Variants in UBE3D observed in about 807,000 individuals in gnomAD.
UBE3D encodes the protein E3 ubiquitin-protein ligase E3D.
Under a neutral mutation model 49.6 loss-of-function variants are expected in UBE3D, and 48 were observed. The ratio of observed to expected loss-of-function variants is 0.97; its 90% CI spans 0.77 to 1.23. The LOEUF (loss-of-function observed/expected upper bound fraction) is 1.23, where lower values mean the gene tolerates loss of function less well. Among genes scored for constraint, UBE3D ranks in the 50% most tolerant of loss-of-function variants. UBE3D has a pLI of 0.00. For missense variants in UBE3D, 452 were observed against 468.4 expected (o/e 0.96, Z 0.32); for synonymous variants, 189 against 174.2 (o/e 1.08, Z -0.67).
At chr6:83,002,802 C>T (rs1342299408) in intron 8 of UBE3D, among the ~76,000 whole-genome samples, 2 of 152,212 alleles carry the variant, frequency 1.3e-5, no homozygotes, top group African/African-American at 2.4e-5. Flanking sequence ...GGGGCCCTCA[C>T]CAAACATCAG....
chr6:83,036,892 C>T (rs1490334740), intron 5 of UBE3D: 1 of 152,078 alleles, frequency 6.6e-6, no homozygotes, highest in African/African-American at 2.4e-5. Flanking sequence ...CACCACTGTG[C>T]TCAGTTTAAC....
the UBE3D span, among the ~76,000 whole-genome samples, chr6:82,884,905 T>C: frequency 2.0e-5 from 3 of 152,222 alleles, no homozygotes; most frequent in Admixed American, 2.0e-4. Flanking sequence ...AATTGAACTT[T>C]AGTCCAGAGG....
intron 9 of UBE3D, among the ~76,000 whole-genome samples, chr6:82,921,763 G>C (rs752433187): frequency 6.6e-6 from 1 of 152,144 alleles, no homozygotes; most frequent in African/African-American, 2.4e-5. Flanking sequence ...TCCAGGCCTT[G>C]AAGAACCCTC....
chr6:82,930,152 T>C (rs1774041566), intron 9 of UBE3D, among the ~76,000 whole-genome samples: 1 of 152,244 alleles, frequency 6.6e-6, no homozygotes, highest in African/African-American at 2.4e-5. Flanking sequence ...TCTCCCACCC[T>C]TTACTCTAAT....
At chr6:83,017,982 CAA>C (rs1371916540) in intron 8 of UBE3D, 1 of 151,842 alleles carries the variant, frequency 6.6e-6, no homozygotes, top group Non-Finnish European at 1.5e-5. Flanking sequence ...TGTTTAGGTG[CAA>C]AATGAACAGA....
intron 5 of UBE3D, among the ~76,000 whole-genome samples, chr6:83,025,150 C>CA (rs1239156748): frequency 6.6e-6 from 1 of 152,182 alleles, no homozygotes; most frequent in East Asian, 1.9e-4. Context: ...ACACTAACCA[C>CA]ACCTACCTTG....
At chr6:83,055,737 T>C (rs1783775935) in intron 2 of UBE3D, among the ~76,000 whole-genome samples, 1 of 152,208 alleles carries the variant, frequency 6.6e-6, no homozygotes, top group Non-Finnish European at 1.5e-5. Context: ...TATACCAGTA[T>C]GATGTTTACT....
At chr6:82,935,451 T>C (rs1000336926) in intron 9 of UBE3D, among the ~76,000 whole-genome samples, 1 of 151,952 alleles carries the variant, frequency 6.6e-6, no homozygotes. Flanking sequence ...ACATCACCAA[T>C]ATATGTCTAA....
chr6:83,050,945 CAGAG>C (rs1783430012), intron 3 of UBE3D, among the ~76,000 whole-genome samples: 1 of 152,150 alleles, frequency 6.6e-6, no homozygotes. Context: ...CACTGTTTCT[CAGAG>C]AGAAAAAGAG....
intron 8 of UBE3D, among the ~76,000 whole-genome samples, chr6:82,975,952 T>G (rs531451720): frequency 6.6e-6 from 1 of 152,178 alleles, no homozygotes; most frequent in South Asian, 2.1e-4. Flanking sequence ...TCTGAGTAGG[T>G]ATAATATCTA....
intron 5 of UBE3D, among the ~76,000 whole-genome samples, chr6:83,033,159 T>TGA (rs1359755178): frequency 2.0e-5 from 3 of 151,728 alleles, no homozygotes; most frequent in Non-Finnish European, 2.9e-5. Context: ...AAAGCAGGGA[T>TGA]GAGAGAGAGA....
chr6:82,899,137 C>T (rs1244017956), intron 9 of UBE3D, among the ~76,000 whole-genome samples: 1 of 152,080 alleles, frequency 6.6e-6, no homozygotes, highest in Non-Finnish European at 1.5e-5. Flanking sequence ...GCCATAAACC[C>T]CGGCATGCCA....
At chr6:83,043,440 G>A (rs1422693796) in intron 4 of UBE3D, among the ~76,000 whole-genome samples, 1 of 152,020 alleles carries the variant, frequency 6.6e-6, no homozygotes, top group Admixed American at 6.6e-5. Context: ...TTTCACCAAA[G>A]TGAACCATAT....
intron 8 of UBE3D, among the ~76,000 whole-genome samples, chr6:83,014,772 C>T (rs1780575618): frequency 6.6e-6 from 1 of 152,098 alleles, no homozygotes; most frequent in Non-Finnish European, 1.5e-5. Context: ...AGGGGTCCTT[C>T]CTCAAGGGGA....
intron 9 of UBE3D, among the ~76,000 whole-genome samples, chr6:82,913,286 T>C (rs1015748192): frequency 4.6e-5 from 7 of 152,200 alleles, no homozygotes; most frequent in African/African-American, 1.7e-4. Flanking sequence ...GTCCAATAAA[T>C]TATAATTTTA....
chr6:83,053,068 A>C (rs753392642), intron 3 of UBE3D, among the ~76,000 whole-genome samples: 2 of 152,396 alleles, frequency 1.3e-5, no homozygotes, highest in Non-Finnish European at 2.9e-5. Flanking sequence ...ATATGGCCCA[A>C]AGGCTTTGAA....
chr6:83,000,521 A>G (rs945746896), intron 8 of UBE3D, among the ~76,000 whole-genome samples: 23 of 152,302 alleles, frequency 1.5e-4, no homozygotes, highest in African/African-American at 5.5e-4. Flanking sequence ...TTCCTATCTG[A>G]TCTACCCAAA....
At chr6:83,010,176 TG>T (rs1427784903) in intron 8 of UBE3D, among the ~76,000 whole-genome samples, 1 of 152,152 alleles carries the variant, frequency 6.6e-6, no homozygotes, top group Non-Finnish European at 1.5e-5. Flanking sequence ...TAAATTTAAA[TG>T]TGTATTAAAA....
intron 3 of UBE3D, among the ~76,000 whole-genome samples, chr6:83,049,997 G>GA (rs1329789372): frequency 6.6e-6 from 1 of 151,996 alleles, no homozygotes; most frequent in Non-Finnish European, 1.5e-5. Flanking sequence ...AAATTTTATA[G>GA]AAAAACTGCT....
Sources: gnomAD v4.1 joint callset for allele counts (sites outside exome capture counted in the v4.1 genomes callset) on GRCh38, gnomAD v4.1.1 for gene constraint, MANE v1.5 for transcripts, NCBI Gene and HGNC (gene_info 2026-07-23, HGNC 2026-07-21) for gene names.